Variants in CACNA2D3 observed in about 807,000 individuals in gnomAD.
CACNA2D3 encodes the protein voltage-dependent calcium channel subunit alpha-2/delta-3.
A neutral mutation model predicts 160.6 loss-of-function variants in CACNA2D3; 60 were observed. The observed-to-expected ratio is 0.37, with a 90% confidence interval of 0.30 to 0.46. CACNA2D3 has a LOEUF of 0.46. Among genes scored for constraint, CACNA2D3 ranks in the 20% least tolerant of loss-of-function variants. The pLI is 1.00. For synonymous variants in CACNA2D3, 558 were observed against 492.9 expected (o/e 1.13, Z -1.75); for missense variants, 1,205 against 1,365.0 (o/e 0.88, Z 1.85).
intron 13 of CACNA2D3, among the ~76,000 whole-genome samples, chr3:54,770,599 G>C (rs1702303166): frequency 6.6e-6 from 1 of 152,166 alleles, no homozygotes; most frequent in East Asian, 1.9e-4. Flanking sequence ...AACTGACTCA[G>C]TGTCAGTTAA....
chr3:54,711,376 G>C (rs144681729), intron 11 of CACNA2D3, among the ~76,000 whole-genome samples: 14 of 152,300 alleles, frequency 9.2e-5, no homozygotes, highest in Non-Finnish European at 1.8e-4. Context: ...GGCTAATTCA[G>C]CAGCTCAAAG....
At chr3:54,882,423 A>T (rs185807860) in intron 21 of CACNA2D3, among the ~76,000 whole-genome samples, 111 of 152,286 alleles carry the variant, frequency 7.3e-4, no homozygotes, top group East Asian at 4.1e-3. Flanking sequence ...ATGGAGACAC[A>T]GATACACACA....
intron 4 of CACNA2D3, among the ~76,000 whole-genome samples, chr3:54,456,122 C>T (rs1700392709): frequency 6.6e-6 from 1 of 152,064 alleles, no homozygotes; most frequent in African/African-American, 2.4e-5. Context: ...TGCATTGAAT[C>T]TGTAGATTGC....
intron 13 of CACNA2D3, among the ~76,000 whole-genome samples, chr3:54,812,961 A>G (rs576491254): frequency 2.7e-4 from 41 of 152,346 alleles, no homozygotes; most frequent in African/African-American, 8.2e-4. Context: ...AAAAAGTCCA[A>G]TCAACAGTGA....
At chr3:54,707,474 G>A (rs1196009674) in intron 11 of CACNA2D3, among the ~76,000 whole-genome samples, 1 of 152,296 alleles carries the variant, frequency 6.6e-6, no homozygotes, top group East Asian at 1.9e-4. Flanking sequence ...CCCAGTACAC[G>A]AAAGGGATTC....
chr3:54,691,324 T>G (rs193120188), intron 11 of CACNA2D3, among the ~76,000 whole-genome samples: 3 of 152,336 alleles, frequency 2.0e-5, no homozygotes, highest in Non-Finnish European at 4.4e-5. Context: ...CTGGTCAAAT[T>G]TCAGCAGCAG....
intron 4 of CACNA2D3, among the ~76,000 whole-genome samples, chr3:54,447,173 G>A (rs1436469852): frequency 6.6e-6 from 1 of 152,188 alleles, no homozygotes; most frequent in Non-Finnish European, 1.5e-5. Context: ...ACCACCACAT[G>A]CATGGCAGCT....
chr3:54,770,932 C>G (rs1326049941), intron 13 of CACNA2D3, among the ~76,000 whole-genome samples: 1 of 152,148 alleles, frequency 6.6e-6, no homozygotes, highest in African/African-American at 2.4e-5. Context: ...TGAATACGGG[C>G]AAAGCAACCA....
intron 11 of CACNA2D3, among the ~76,000 whole-genome samples, chr3:54,717,809 CATGTTTGCGTGTGTGT>C (rs1306320659): frequency 9.3e-6 from 1 of 107,342 alleles, no homozygotes; most frequent in Non-Finnish European, 1.9e-5. Flanking sequence ...CGTGTGTGCG[CATGTTTGCGTGTGTGT>C]GGTGTGTGTG....
intron 5 of CACNA2D3, among the ~76,000 whole-genome samples, chr3:54,541,762 A>T (rs889916251): frequency 1.3e-5 from 2 of 152,224 alleles, no homozygotes; most frequent in African/African-American, 4.8e-5. Flanking sequence ...ATTAGAGACT[A>T]GAGAGGCAGG....
At chr3:54,739,378 C>T (rs1418778481) in intron 11 of CACNA2D3, among the ~76,000 whole-genome samples, 1 of 146,516 alleles carries the variant, frequency 6.8e-6, no homozygotes, top group East Asian at 2.1e-4. Flanking sequence ...CAGGATCCCA[C>T]CACTGCACTC....
At chr3:55,070,197 AG>A (rs936873564) in intron 35 of CACNA2D3, among the ~76,000 whole-genome samples, 3 of 152,196 alleles carry the variant, frequency 2.0e-5, no homozygotes, top group Non-Finnish European at 2.9e-5. Context: ...CAAGCAAGGA[AG>A]AAGAGGCAGA....
intron 3 of CACNA2D3, among the ~76,000 whole-genome samples, chr3:54,382,960 A>C (rs540370909): frequency 6.6e-6 from 1 of 152,148 alleles, no homozygotes; most frequent in African/African-American, 2.4e-5. Flanking sequence ...TGATCCTCCC[A>C]CCTGAGTTTC....
chr3:54,802,812 G>T (rs1703024375), intron 13 of CACNA2D3, among the ~76,000 whole-genome samples: 2 of 152,162 alleles, frequency 1.3e-5, no homozygotes, highest in African/African-American at 4.8e-5. Flanking sequence ...CACCCCCCCA[G>T]TAGGGGCAGA....
chr3:54,626,825 A>G (rs2106815593), intron 9 of CACNA2D3, among the ~76,000 whole-genome samples: 1 of 152,080 alleles, frequency 6.6e-6, no homozygotes, highest in African/African-American at 2.4e-5. Context: ...CTGGACATGC[A>G]TTGTGTGCAC....
intron 2 of CACNA2D3, among the ~76,000 whole-genome samples, chr3:54,270,230 CTA>C (rs1327024848): frequency 2.0e-5 from 3 of 152,162 alleles, no homozygotes; most frequent in Non-Finnish European, 4.4e-5. Context: ...TTTCTTTTCT[CTA>C]TTTTAACAGA....
At chr3:54,262,983 C>T (rs556714645) in intron 2 of CACNA2D3, among the ~76,000 whole-genome samples, 3 of 152,206 alleles carry the variant, frequency 2.0e-5, no homozygotes, top group South Asian at 2.1e-4. Flanking sequence ...TGTTGATTCC[C>T]CTCCACCCCA....
At chr3:54,246,128 A>G (rs919107349) in intron 2 of CACNA2D3, among the ~76,000 whole-genome samples, 2 of 152,250 alleles carry the variant, frequency 1.3e-5, no homozygotes, top group Non-Finnish European at 2.9e-5. Context: ...GTTGTTTTGA[A>G]GCTTACTCTC....
chr3:54,816,176 A>G (rs1246513550), intron 13 of CACNA2D3, among the ~76,000 whole-genome samples: 1 of 152,234 alleles, frequency 6.6e-6, no homozygotes, highest in Non-Finnish European at 1.5e-5. Context: ...CTTTAAATGC[A>G]CAAATCCTGG....
Sources: gnomAD v4.1 joint callset for allele counts (sites outside exome capture counted in the v4.1 genomes callset) on GRCh38, gnomAD v4.1.1 for gene constraint, MANE v1.5 for transcripts, NCBI Gene and HGNC (gene_info 2026-07-23, HGNC 2026-07-21) for gene names.